The following SCHIP1 variants were observed in gnomAD, a reference collection of about 807,000 sequenced individuals.
The protein encoded by SCHIP1 is schwannomin-interacting protein 1.
In SCHIP1, 8 loss-of-function variants were observed where a neutral mutation model predicts 29.7. The observed-to-expected ratio is 0.27, with a 90% CI of 0.16 to 0.49. The LOEUF is 0.49. Ranked by LOEUF, SCHIP1 falls within the 20% of genes least tolerant of loss-of-function variation. The pLI is 0.99. For missense variants in SCHIP1, 193 were observed against 294.6 expected (o/e 0.66, Z 2.52); for synonymous variants, 76 against 94.9 (o/e 0.80, Z 1.16).
intron 1 of SCHIP1, among the ~76,000 whole-genome samples, chr3:159,849,267 T>C (rs899151724): frequency 2.6e-5 from 4 of 152,200 alleles, no homozygotes; most frequent in Non-Finnish European, 5.9e-5. Flanking sequence ...TCTGTATGTA[T>C]ATATACATAA....
the SCHIP1 span, among the ~76,000 whole-genome samples, chr3:159,399,722 G>A: frequency 2.6e-5 from 4 of 152,110 alleles, no homozygotes; most frequent in Admixed American, 2.0e-4. Context: ...TGTCACCCAG[G>A]CTGGAGTGCA....
chr3:159,779,678 A>G, the SCHIP1 span, among the ~76,000 whole-genome samples: 1 of 152,150 alleles, frequency 6.6e-6, no homozygotes, highest in Non-Finnish European at 1.5e-5. Flanking sequence ...TCTCAAAAAA[A>G]AAAGAAGGAT....
the SCHIP1 span, among the ~76,000 whole-genome samples, chr3:159,760,563 TAGGATCG>T: frequency 1.3e-5 from 2 of 152,232 alleles, no homozygotes; most frequent in South Asian, 4.1e-4. Context: ...AGTTTCTTCA[TAGGATCG>T]AGGATTATAT....
At chr3:159,521,196 A>G in the SCHIP1 span, among the ~76,000 whole-genome samples, 2 of 152,206 alleles carry the variant, frequency 1.3e-5, no homozygotes, top group African/African-American at 4.8e-5. Context: ...TTCCTTGGAC[A>G]TGTATAGTCA....
chr3:159,397,215 C>T, the SCHIP1 span, among the ~76,000 whole-genome samples: 6 of 152,028 alleles, frequency 3.9e-5, no homozygotes, highest in African/African-American at 9.6e-5. Flanking sequence ...TCTAGTTATA[C>T]ATTCTTCTAA....
At chr3:159,530,270 C>T in the SCHIP1 span, among the ~76,000 whole-genome samples, 661 of 152,268 alleles carry the variant, frequency 4.3e-3, 6 homozygotes, top group Non-Finnish European at 5.9e-3. Flanking sequence ...AAGTTGCTCC[C>T]AGTCATCTGA....
the SCHIP1 span, among the ~76,000 whole-genome samples, chr3:159,511,064 A>T: frequency 9.2e-5 from 14 of 152,170 alleles, no homozygotes; most frequent in African/African-American, 3.4e-4. Flanking sequence ...CTGCCCCCAG[A>T]GGTGGAGTCT....
the SCHIP1 span, among the ~76,000 whole-genome samples, chr3:159,662,471 A>C: frequency 6.6e-6 from 1 of 152,232 alleles, no homozygotes; most frequent in Non-Finnish European, 1.5e-5. Context: ...CACTTGAGGC[A>C]GCCCTATTGG....
chr3:159,440,217 A>G, the SCHIP1 span, among the ~76,000 whole-genome samples: 1 of 152,066 alleles, frequency 6.6e-6, no homozygotes, highest in Non-Finnish European at 1.5e-5. Context: ...GTTCATAGGT[A>G]TGCAGTCTTA....
chr3:159,558,611 C>T, the SCHIP1 span, among the ~76,000 whole-genome samples: 1 of 152,106 alleles, frequency 6.6e-6, no homozygotes, highest in Admixed American at 6.6e-5. Flanking sequence ...GAGTTATGGA[C>T]TAAGGACTTG....
the SCHIP1 span, among the ~76,000 whole-genome samples, chr3:159,668,182 A>T: frequency 6.6e-6 from 1 of 152,122 alleles, no homozygotes; most frequent in South Asian, 2.1e-4. Flanking sequence ...ATCCTGGCTA[A>T]CACGGTGAAA....
the SCHIP1 span, among the ~76,000 whole-genome samples, chr3:159,495,193 G>A: frequency 6.6e-6 from 1 of 152,160 alleles, no homozygotes; most frequent in Non-Finnish European, 1.5e-5. Flanking sequence ...TTGAAAACTG[G>A]CACAAGACAG....
the SCHIP1 span, among the ~76,000 whole-genome samples, chr3:159,420,533 A>C: frequency 2.6e-5 from 4 of 152,186 alleles, no homozygotes; most frequent in Non-Finnish European, 5.9e-5. Context: ...TTCATAAGTT[A>C]ATGATGTGAA....
the SCHIP1 span, among the ~76,000 whole-genome samples, chr3:159,448,646 G>A: frequency 6.6e-6 from 1 of 152,062 alleles, no homozygotes; most frequent in East Asian, 1.9e-4. Context: ...TCTTTGCAAG[G>A]ATCCATGTTT....
At chr3:159,576,822 A>G in the SCHIP1 span, among the ~76,000 whole-genome samples, 1 of 152,198 alleles carries the variant, frequency 6.6e-6, no homozygotes, top group South Asian at 2.1e-4. Context: ...TAGGTTTACT[A>G]AGATAGGCAA....
chr3:159,702,061 G>A, the SCHIP1 span, among the ~76,000 whole-genome samples: 7 of 152,122 alleles, frequency 4.6e-5, no homozygotes, highest in Admixed American at 4.6e-4. Context: ...GCAGAATCCT[G>A]ACAAATTTCC....
At chr3:159,430,932 T>C in the SCHIP1 span, among the ~76,000 whole-genome samples, 1 of 151,908 alleles carries the variant, frequency 6.6e-6, no homozygotes, top group Non-Finnish European at 1.5e-5. Context: ...TATCTTGAGA[T>C]CCTAGAAATG....
the SCHIP1 span, among the ~76,000 whole-genome samples, chr3:159,692,235 G>A: frequency 1.3e-5 from 2 of 152,142 alleles, no homozygotes; most frequent in African/African-American, 4.8e-5. Context: ...TATCTTTGTG[G>A]TGTTCTCTGT....
At chr3:159,483,492 G>C in the SCHIP1 span, among the ~76,000 whole-genome samples, 1 of 152,256 alleles carries the variant, frequency 6.6e-6, no homozygotes, top group East Asian at 1.9e-4. Flanking sequence ...GTGGTGCTAA[G>C]GAGCCCCTGA....
Sources: gnomAD v4.1 joint callset for allele counts (sites outside exome capture counted in the v4.1 genomes callset) on GRCh38, gnomAD v4.1.1 for gene constraint, MANE v1.5 for transcripts, NCBI Gene and HGNC (gene_info 2026-07-23, HGNC 2026-07-21) for gene names.